The following SEPTIN11 variants were observed in gnomAD, a reference collection of about 807,000 sequenced individuals.
SEPTIN11 encodes the protein septin 11.
A neutral mutation model predicts 51.4 loss-of-function variants in SEPTIN11; 25 were observed. The ratio of observed to expected loss-of-function variants is 0.49; its 90% CI spans 0.35 to 0.68. SEPTIN11 has a LOEUF of 0.68. Ranked by LOEUF, SEPTIN11 falls within the 30% of genes least tolerant of loss-of-function variation. SEPTIN11 has a pLI of 0.00. For missense variants in SEPTIN11, 381 were observed against 520.8 expected (o/e 0.73, Z 2.61); for synonymous variants, 174 against 184.1 (o/e 0.95, Z 0.44).
chr4:76,950,038 G>GCGGCGGCGA (rs1721255636), intron 1 of SEPTIN11, 108 bp downstream of exon 1: 1 of 1,199,404 alleles, frequency 8.3e-7, no homozygotes, highest in African/African-American at 1.6e-5. Flanking sequence ...CGGCCCCGCG[G>GCGGCGGCGA]CGGCGGCGAC....
At chr4:76,956,779 G>A (rs1304516599) in intron 1 of SEPTIN11, among the ~76,000 whole-genome samples, 2 of 152,182 alleles carry the variant, frequency 1.3e-5, no homozygotes, top group African/African-American at 2.4e-5. Flanking sequence ...AAGACCCTTG[G>A]GCTGGGGAAG....
intron 1 of SEPTIN11, among the ~76,000 whole-genome samples, chr4:76,957,846 T>C (rs905921488): frequency 2.0e-5 from 3 of 152,240 alleles, no homozygotes; most frequent in East Asian, 1.9e-4. Flanking sequence ...GCAACACTTA[T>C]GTGTCATCCA....
At chr4:77,023,203 C>T (rs1725845062) in intron 7 of SEPTIN11, among the ~76,000 whole-genome samples, 1 of 151,196 alleles carries the variant, frequency 6.6e-6, no homozygotes. Context: ...CCATGTCTCC[C>T]CTCCCCACTT....
intron 1 of SEPTIN11, among the ~76,000 whole-genome samples, chr4:76,973,921 C>T (rs1722367753): frequency 2.0e-5 from 3 of 152,140 alleles, no homozygotes; most frequent in African/African-American, 7.2e-5. Context: ...GGTCCTGGCA[C>T]TATTTCAATA....
chr4:77,035,218 G>A lies in SEPTIN11; in HGVS notation c.*706G>A. 1 of 985,320 alleles carries A rather than the reference G, an allele frequency of 1.0e-6. No homozygotes were observed. Among genetic ancestry groups the A allele is most frequent in the Non-Finnish European group, 1.2e-6 (1 of 829,912 alleles). The allele number at this position is 985,320 out of a possible 1,614,324, so 61.0% of individuals were successfully genotyped here. A position where few individuals can be genotyped will look rare whatever the true frequency, so the allele number is the denominator to read the frequency against. On this transcript the variant is annotated 3_prime_UTR_variant, in exon 10 of 10. Transcript: ENST00000264893. ...AAACTATGATTAGTTCACATTTACTGGTGCATCCTTGATCCTCTCACAGAT... is the reference window on the plus strand; with the variant it reads ...AAACTATGATTAGTTCACATTTACTAGTGCATCCTTGATCCTCTCACAGAT...
chr4:77,039,386 G>T, downstream of SEPTIN11: 1 of 1,073,600 alleles, frequency 9.3e-7, no homozygotes, highest in Non-Finnish European at 1.1e-6. Context: ...CTTGTGCTGG[G>T]ATCCCCTTGC....
chr4:76,965,223 G>C (rs1721984026), intron 1 of SEPTIN11, among the ~76,000 whole-genome samples: 1 of 152,078 alleles, frequency 6.6e-6, no homozygotes, highest in South Asian at 2.1e-4. Context: ...GGCCAAGGCA[G>C]GCGGATCACC....
At chr4:76,958,197 G>A (rs1721647438) in intron 1 of SEPTIN11, among the ~76,000 whole-genome samples, 1 of 152,196 alleles carries the variant, frequency 6.6e-6, no homozygotes. Flanking sequence ...GACCTCGCAA[G>A]TCCACTTTCT....
intron 1 of SEPTIN11, among the ~76,000 whole-genome samples, chr4:76,991,977 A>G (rs377750223): frequency 1.3e-5 from 2 of 152,276 alleles, no homozygotes; most frequent in Non-Finnish European, 2.9e-5. Context: ...ATTTTATACC[A>G]TAAAGGTTAG....
intron 7 of SEPTIN11, among the ~76,000 whole-genome samples, chr4:77,026,148 T>G (rs192690520): frequency 5.8e-4 from 88 of 152,302 alleles, no homozygotes; most frequent in African/African-American, 1.8e-3. Flanking sequence ...TGGGACTGGA[T>G]AAGGCAGAGT....
At chr4:77,011,980 G>A (rs533732379) in intron 4 of SEPTIN11, 59 bp downstream of exon 4, 1 of 1,446,286 alleles carries the variant, frequency 6.9e-7, no homozygotes, top group African/African-American at 1.4e-5. Flanking sequence ...TTATCCTAAT[G>A]CCCTAATTTG....
At chr4:77,031,190 T>C in intron 9 of SEPTIN11, 1 of 500,632 alleles carries the variant, frequency 2.0e-6, no homozygotes, top group Non-Finnish European at 3.5e-6. Context: ...GACCAAGCAA[T>C]CAGGCCTGGA....
intron 1 of SEPTIN11, among the ~76,000 whole-genome samples, chr4:76,956,993 T>TGA (rs149722958): frequency 3.1e-4 from 31 of 98,576 alleles, no homozygotes; most frequent in Admixed American, 1.0e-3. Flanking sequence ...TGTGTGTGTG[T>TGA]GAGAGAGAGA....
intron 1 of SEPTIN11, among the ~76,000 whole-genome samples, chr4:76,962,932 G>A (rs1191296949): frequency 6.6e-6 from 1 of 152,172 alleles, no homozygotes; most frequent in East Asian, 1.9e-4. Flanking sequence ...GTAGATAAAA[G>A]CTGGGACCAC....
intron 1 of SEPTIN11, among the ~76,000 whole-genome samples, chr4:76,977,841 A>G (rs1446391099): frequency 6.6e-6 from 1 of 151,592 alleles, no homozygotes; most frequent in Non-Finnish European, 1.5e-5. Context: ...CCGAAAGGTT[A>G]TTTGTTTGTT....
At position 76,955,750 on chromosome 4, in the gene SEPTIN11, A is replaced by G. The variant is rs537970985; in HGVS notation, c.27+5820A>G. 5.3e-4 allele frequency among the ~76,000 whole-genome samples: 81 copies of G among 152,338 alleles called. 1 individual carries two copies. The highest frequency in any genetic ancestry group is 1.9e-3 in the African/African-American group (80 of 41,576). On this transcript the variant is annotated intron_variant, in intron 1 of 9. Transcript: ENST00000264893. ...AATTGAACCCTTAAAGAATAGAGGA[A>G]ATGAAGACTGACAGAGGACACAGAG...
In SEPTIN11 at chr4:77,036,316, A is replaced by T; in HGVS notation, c.*1804A>T. 1.9e-6 allele frequency: 2 copies of T among 1,028,824 alleles called. No homozygotes were observed. Among genetic ancestry groups the T allele is most frequent in the Non-Finnish European group, 2.3e-6 (2 of 857,074 alleles). 63.7% of individuals were successfully genotyped at this position (1,028,824 alleles called of 1,614,324 possible). On this transcript the variant is annotated 3_prime_UTR_variant, in exon 10 of 10. Coordinates refer to ENST00000264893, the MANE Select transcript of SEPTIN11 (RefSeq NM_018243.4). ...AATTCTAGTCTGGAGCTAACTGTGG[A>T]GCAGCCAAATAGTAGCTGGCATGTT...
chr4:77,006,769 A>G (rs1045570188), intron 3 of SEPTIN11, among the ~76,000 whole-genome samples: 10 of 152,200 alleles, frequency 6.6e-5, no homozygotes, highest in African/African-American at 2.4e-4. Context: ...TATATTATAC[A>G]CATGTGTTTT....
rs146329182 is a variant in SEPTIN11, at chr4:77,020,554, C to T, written c.837C>T (p.Arg279=). 4.3e-4 allele frequency: 694 copies of T among 1,613,846 alleles called. No homozygotes were observed. Among genetic ancestry groups the T allele is most frequent in the Non-Finnish European group, 4.1e-4 (480 of 1,180,002 alleles). The change falls in exon 7 of 10, where the codon CGC becomes CGT. Residue 279 remains arginine (R), a synonymous_variant. Transcript: ENST00000264893. ...DFVKLREMLI[R]VNMEDLREQT... ...TGAAACTTCGAGAGATGCTGATCCG[C>T]GTGAACATGGAGGACTTGCGAGAGC...
Sources: gnomAD v4.1 joint callset for allele counts (sites outside exome capture counted in the v4.1 genomes callset) on GRCh38, gnomAD v4.1.1 for gene constraint, MANE v1.5 for transcripts, NCBI Gene and HGNC (gene_info 2026-07-23, HGNC 2026-07-21) for gene names.